NOS1: variants seen among roughly 807,000 people sequenced by gnomAD.
NOS1 encodes the protein nitric oxide synthase 1.
A neutral mutation model predicts 164.5 loss-of-function variants in NOS1; 51 were observed. The ratio of observed to expected loss-of-function variants is 0.31; its 90% CI spans 0.25 to 0.39. The LOEUF is 0.39. NOS1 is among the 10% of genes least tolerant of loss of function. NOS1 has a pLI of 1.00. For missense variants in NOS1, 1,362 were observed against 1,885.6 expected (o/e 0.72, Z 5.14); for synonymous variants, 719 against 745.8 (o/e 0.96, Z 0.59).
chr12:117,289,326 G>C (rs1241575871), intron 4 of NOS1, among the ~76,000 whole-genome samples: 1 of 152,184 alleles, frequency 6.6e-6, no homozygotes, highest in Non-Finnish European at 1.5e-5. Context: ...ATTTACATAA[G>C]AGAGTGAGAA....
intron 3 of NOS1, among the ~76,000 whole-genome samples, chr12:117,310,185 G>A (rs2136053906): frequency 6.6e-6 from 1 of 152,222 alleles, no homozygotes; most frequent in Admixed American, 6.5e-5. Flanking sequence ...TGGATTACAG[G>A]CGTGAGCCGC....
rs529498561 is a variant in NOS1, at chr12:117,321,256, C to T, written c.725+9089G>A. Among the ~76,000 whole-genome samples the T allele has an allele frequency of 9.2e-5, 14 of 152,206 alleles. No homozygotes were observed. In the East Asian group the frequency reaches 1.2e-3, roughly 13 times the overall value. ...AACTCCTGACCTCAGGTGATCCACC[C>T]GCCTCGGCCTCCCAAAGTGCTGGGA... On this transcript the variant is annotated intron_variant, in intron 2 of 28. Coordinates refer to ENST00000317775, the MANE Select transcript of NOS1 (RefSeq NM_000620.5).
chr12:117,267,803 C>A (rs958240203), intron 11 of NOS1, among the ~76,000 whole-genome samples: 4 of 152,120 alleles, frequency 2.6e-5, no homozygotes, highest in African/African-American at 9.7e-5. Flanking sequence ...CTCTAAGCAA[C>A]AAGACAGAAC....
intron 14 of NOS1, 100 bp from the exon 15 acceptor site, chr12:117,259,230 G>C (rs1004700842): frequency 1.9e-5 from 14 of 732,282 alleles, no homozygotes; most frequent in Middle Eastern, 5.5e-4. Flanking sequence ...AAGGGCAAGA[G>C]GAGAGAAAGG....
intron 1 of NOS1, among the ~76,000 whole-genome samples, chr12:117,342,309 G>C (rs956037322): frequency 6.6e-6 from 1 of 152,150 alleles, no homozygotes; most frequent in Non-Finnish European, 1.5e-5. Context: ...ACCTAGGGTG[G>C]AGGTAGTTGG....
chr12:117,272,309 C>G lies in NOS1; in HGVS notation c.1839+76G>C. The G allele has an allele frequency of 6.5e-7, 1 of 1,532,312 alleles. No homozygotes were observed. Among genetic ancestry groups the G allele is most frequent in the South Asian group, 1.1e-5 (1 of 87,494 alleles). The allele number at this position is 1,532,312 out of a possible 1,614,324, so 94.9% of individuals were successfully genotyped here. A position where few individuals can be genotyped will look rare whatever the true frequency, so the allele number is the denominator to read the frequency against. On this transcript the variant is annotated intron_variant, in intron 10 of 28. Transcript: ENST00000317775. The surrounding 1 kb of genome is among the most constrained non-coding windows in gnomAD (Gnocchi z 4.3). ...CAAGTTTCCAAGCCACCAAGCTCGC[C>G]GTGGGGAAGGGGACTGCTGAGCTGG...
intron 2 of NOS1, among the ~76,000 whole-genome samples, chr12:117,323,238 G>A (rs909379441): frequency 6.6e-6 from 1 of 152,202 alleles, no homozygotes; most frequent in Non-Finnish European, 1.5e-5. Context: ...AATGAAGCTA[G>A]GTCTTGGGCA....
intron 3 of NOS1, among the ~76,000 whole-genome samples, chr12:117,310,825 T>A (rs574778885): frequency 2.6e-5 from 4 of 151,696 alleles, no homozygotes; most frequent in South Asian, 2.1e-4. Context: ...AAAAAAAAAT[T>A]TTTTTTTTAA....
intron 6 of NOS1, among the ~76,000 whole-genome samples, chr12:117,285,728 T>G (rs1874068211): frequency 6.6e-6 from 1 of 152,116 alleles, no homozygotes; most frequent in Non-Finnish European, 1.5e-5. Flanking sequence ...AACTTTAAAC[T>G]ATTTCCTAAA....
intron 1 of NOS1, among the ~76,000 whole-genome samples, chr12:117,359,587 G>C (rs1433359369): frequency 6.6e-6 from 1 of 152,054 alleles, no homozygotes; most frequent in Admixed American, 6.5e-5. Flanking sequence ...GGGCGCGCTC[G>C]CCTGCACCGC....
chr12:117,254,289 T>C (rs1418205526), intron 16 of NOS1, among the ~76,000 whole-genome samples: 1 of 152,140 alleles, frequency 6.6e-6, no homozygotes, highest in Non-Finnish European at 1.5e-5. Context: ...GCATTTTTAG[T>C]AGAGACGGGG....
At chr12:117,227,279 C>T (rs1868779400) in intron 23 of NOS1, 152 bp downstream of exon 23, 3 of 728,874 alleles carry the variant, frequency 4.1e-6, no homozygotes, top group Non-Finnish European at 6.9e-6. Flanking sequence ...GGACAGTTCA[C>T]CTGCTGCTTC....
intron 16 of NOS1, among the ~76,000 whole-genome samples, chr12:117,255,103 A>C (rs931241352): frequency 1.3e-5 from 2 of 152,190 alleles, no homozygotes; most frequent in African/African-American, 4.8e-5. Context: ...AGAGTATAAT[A>C]ATAATAAAAT....
intron 16 of NOS1, among the ~76,000 whole-genome samples, chr12:117,256,206 G>T (rs999464179): frequency 6.6e-6 from 1 of 151,730 alleles, no homozygotes; most frequent in Non-Finnish European, 1.5e-5. Flanking sequence ...ACTCAGCAAC[G>T]GTCAGTCTCC....
At chr12:117,215,960 C>T (rs989176247) in intron 28 of NOS1, among the ~76,000 whole-genome samples, 1 of 148,778 alleles carries the variant, frequency 6.7e-6, no homozygotes. Context: ...TGGCTGCAAC[C>T]TCTGCCTCCT....
At chr12:117,344,122 G>A (rs1049481265) in intron 1 of NOS1, among the ~76,000 whole-genome samples, 8 of 152,210 alleles carry the variant, frequency 5.3e-5, no homozygotes, top group Admixed American at 2.0e-4. Flanking sequence ...GTATGAATGT[G>A]TAAACTAGTA....
intron 1 of NOS1, among the ~76,000 whole-genome samples, chr12:117,333,963 A>C (rs922834586): frequency 1.3e-5 from 2 of 152,206 alleles, no homozygotes; most frequent in Admixed American, 6.5e-5. Flanking sequence ...TTTGGCATTA[A>C]GGCTTAATTC....
chr12:117,231,331 A>AG, intron 22 of NOS1, among the ~76,000 whole-genome samples: 1 of 152,020 alleles, frequency 6.6e-6, no homozygotes, highest in East Asian at 1.9e-4. Context: ...GAAAAAAAAA[A>AG]AGAATAAGAT....
intron 1 of NOS1, among the ~76,000 whole-genome samples, chr12:117,338,577 A>ACAT (rs1875951106): frequency 6.6e-6 from 1 of 152,068 alleles, no homozygotes; most frequent in South Asian, 2.1e-4. Context: ...ACTAACCTGC[A>ACAT]CATTGTGCAC....
Sources: gnomAD v4.1 joint callset for allele counts (sites outside exome capture counted in the v4.1 genomes callset) on GRCh38, gnomAD v4.1.1 for gene constraint, Gnocchi (gnomAD v3.1) non-coding constraint, MANE v1.5 for transcripts, NCBI Gene and HGNC (gene_info 2026-07-23, HGNC 2026-07-21) for gene names.